PLCB1: variants seen among roughly 807,000 people sequenced by gnomAD.
PLCB1 encodes the protein 1-phosphatidylinositol 4,5-bisphosphate phosphodiesterase beta-1.
A neutral mutation model predicts 161.8 loss-of-function variants in PLCB1; 46 were observed. The ratio of observed to expected loss-of-function variants is 0.28; its 90% CI spans 0.22 to 0.36. The LOEUF (loss-of-function observed/expected upper bound fraction) is 0.36, where lower values mean the gene tolerates loss of function less well. Ranked by LOEUF, PLCB1 falls within the 10% of genes least tolerant of loss-of-function variation. The pLI is 1.00. For missense variants in PLCB1, 1,016 were observed against 1,472.5 expected (o/e 0.69, Z 5.07); for synonymous variants, 517 against 503.7 (o/e 1.03, Z -0.35).
chr20:8,196,992 A>G (rs1358563303), intron 2 of PLCB1, among the ~76,000 whole-genome samples: 1 of 152,154 alleles, frequency 6.6e-6, no homozygotes, highest in Non-Finnish European at 1.5e-5. Context: ...TACAAAGGAC[A>G]TGAACTCATC....
chr20:8,845,850 T>C (rs1284493943), intron 31 of PLCB1, among the ~76,000 whole-genome samples: 1 of 152,226 alleles, frequency 6.6e-6, no homozygotes, highest in African/African-American at 2.4e-5. Context: ...TCAACAGTTA[T>C]ATAATACAAT....
intron 2 of PLCB1, among the ~76,000 whole-genome samples, chr20:8,184,173 G>A (rs1170262013): frequency 2.0e-5 from 3 of 152,102 alleles, no homozygotes; most frequent in African/African-American, 7.2e-5. Context: ...CACATAGAAA[G>A]ATAATGCATA....
At position 8,132,458 on chromosome 20, in the gene PLCB1, C is replaced by T. The variant is rs2051300532; in HGVS notation, c.-194C>T. ...GCCCGGGGCATGGCCGGGCGCTGCG[C>T]CCCCGCGCGCTCTGCCTGCTGAGCG... On this transcript the variant is annotated 5_prime_UTR_variant, in exon 1 of 32. Coordinates refer to ENST00000338037, the MANE Select transcript of PLCB1 (RefSeq NM_015192.4). This position sits in a 1 kb window ranked among gnomAD's most constrained non-coding sequence, Gnocchi z 5.2. The T allele has an allele frequency of 9.2e-6, 3 of 327,094 alleles. No homozygotes were observed. The highest frequency in any genetic ancestry group is 1.5e-4 in the South Asian group (1 of 6,552). The allele number at this position is 327,094 out of a possible 1,614,324, so 20.3% of individuals were successfully genotyped here.
At chr20:8,869,013 G>A (rs1987523109) in intron 31 of PLCB1, among the ~76,000 whole-genome samples, 1 of 152,182 alleles carries the variant, frequency 6.6e-6, no homozygotes, top group African/African-American at 2.4e-5. Flanking sequence ...CTCACTTCAT[G>A]ATTGATGGGA....
At chr20:8,495,836 T>C (rs951832640) in intron 3 of PLCB1, among the ~76,000 whole-genome samples, 1 of 152,144 alleles carries the variant, frequency 6.6e-6, no homozygotes, top group Non-Finnish European at 1.5e-5. Context: ...TTTTTCCAGA[T>C]CTTTCCAGCT....
At chr20:8,801,759 G>A (rs1291309486) in intron 31 of PLCB1, among the ~76,000 whole-genome samples, 1 of 152,158 alleles carries the variant, frequency 6.6e-6, no homozygotes, top group Non-Finnish European at 1.5e-5. Flanking sequence ...CTTGATGGTA[G>A]TGGGATTTTG....
intron 3 of PLCB1, among the ~76,000 whole-genome samples, chr20:8,389,235 A>C (rs895531947): frequency 6.6e-6 from 1 of 152,264 alleles, no homozygotes; most frequent in Non-Finnish European, 1.5e-5. Flanking sequence ...GGCAATGCCT[A>C]CATTTTTCAG....
At chr20:8,152,649 G>A (rs2051521303) in intron 2 of PLCB1, among the ~76,000 whole-genome samples, 3 of 151,872 alleles carry the variant, frequency 2.0e-5, no homozygotes, top group Admixed American at 1.3e-4. Context: ...AAAAAAAAAT[G>A]TGATACCTTT....
At chr20:8,480,212 G>T (rs886472238) in intron 3 of PLCB1, among the ~76,000 whole-genome samples, 5 of 152,186 alleles carry the variant, frequency 3.3e-5, no homozygotes, top group African/African-American at 1.2e-4. Context: ...GCCTGAGTGG[G>T]TGGCGAGCCA....
At chr20:8,460,764 G>A (rs1981540526) in intron 3 of PLCB1, among the ~76,000 whole-genome samples, 1 of 151,996 alleles carries the variant, frequency 6.6e-6, no homozygotes, top group African/African-American at 2.4e-5. Flanking sequence ...TTTTTCTAAA[G>A]CCCCCCATTT....
At chr20:8,623,787 G>C (rs1988252169) in intron 3 of PLCB1, 1 of 152,178 alleles carries the variant, frequency 6.6e-6, no homozygotes, top group Non-Finnish European at 1.5e-5. Context: ...CATCATTGAT[G>C]CAAGTGGATA....
intron 11 of PLCB1, among the ~76,000 whole-genome samples, chr20:8,705,211 A>T (rs1206601221): frequency 6.6e-6 from 1 of 152,300 alleles, no homozygotes; most frequent in South Asian, 2.1e-4. Context: ...AGAGTTGAAC[A>T]GTTGCCATAG....
intron 26 of PLCB1, among the ~76,000 whole-genome samples, chr20:8,771,701 T>C (rs1033624550): frequency 6.6e-6 from 1 of 152,166 alleles, no homozygotes; most frequent in African/African-American, 2.4e-5. Context: ...AATCCCTTAG[T>C]ACATAGTATC....
chr20:8,134,497 A>T (rs1277292400), intron 1 of PLCB1, among the ~76,000 whole-genome samples: 1 of 152,266 alleles, frequency 6.6e-6, no homozygotes, highest in Non-Finnish European at 1.5e-5. Context: ...AAAGTATTCT[A>T]TGAAAACACA....
intron 2 of PLCB1, among the ~76,000 whole-genome samples, chr20:8,200,603 T>C (rs986374363): frequency 6.6e-6 from 1 of 152,062 alleles, no homozygotes; most frequent in Non-Finnish European, 1.5e-5. Flanking sequence ...AGTAACCCAG[T>C]AACCTTGCTT....
At chr20:8,669,268 T>A (rs1172889929) in intron 9 of PLCB1, among the ~76,000 whole-genome samples, 1 of 152,204 alleles carries the variant, frequency 6.6e-6, no homozygotes, top group East Asian at 1.9e-4. Flanking sequence ...TTATTGACAT[T>A]GTGGGGAGTT....
intron 11 of PLCB1, among the ~76,000 whole-genome samples, chr20:8,701,931 A>G (rs776887057): frequency 6.6e-6 from 1 of 152,244 alleles, no homozygotes; most frequent in Non-Finnish European, 1.5e-5. Flanking sequence ...TGGGCCAGAT[A>G]TTCACAGTAT....
At chr20:8,332,197 C>T (rs1414217942) in intron 2 of PLCB1, among the ~76,000 whole-genome samples, 2 of 152,270 alleles carry the variant, frequency 1.3e-5, no homozygotes, top group South Asian at 2.1e-4. Flanking sequence ...TTGCTGTCAG[C>T]GGGACTTGCA....
chr20:8,517,713 G>T (rs1984190886), intron 3 of PLCB1, among the ~76,000 whole-genome samples: 1 of 152,174 alleles, frequency 6.6e-6, no homozygotes, highest in African/African-American at 2.4e-5. Flanking sequence ...GACAAGGAAT[G>T]AATCTCTGGA....
Sources: allele counts gnomAD v4.1 joint callset (sites outside exome capture counted in the v4.1 genomes callset), GRCh38; gene constraint gnomAD v4.1.1; non-coding constraint Gnocchi (gnomAD v3.1); transcripts MANE v1.5; gene names NCBI Gene and HGNC (gene_info 2026-07-23, HGNC 2026-07-21).